The following TRAPPC9 variants were observed in gnomAD, a reference collection of about 807,000 sequenced individuals.
TRAPPC9 encodes the protein trafficking protein particle complex subunit 9, also known as IKK2 binding protein.
TRAPPC9 carries 83 observed loss-of-function variants against 124.0 expected under a neutral mutation model. The observed-to-expected ratio is 0.67, with a 90% CI of 0.56 to 0.80. The LOEUF (loss-of-function observed/expected upper bound fraction) is 0.80. TRAPPC9 is among the 30% of genes least tolerant of loss of function. The probability of loss-of-function intolerance (pLI) is 0.00; values close to 1 mark genes in which losing one functional copy is unlikely to be tolerated. For missense variants in TRAPPC9, 1,302 were observed against 1,508.3 expected, an observed-to-expected ratio of 0.86 and a Z score of 2.27; for synonymous variants, 638 against 617.5, an observed-to-expected ratio of 1.03 and a Z score of -0.49.
intron 3 of TRAPPC9, among the ~76,000 whole-genome samples, chr8:140,436,536 T>G (rs1215012459): frequency 2.6e-5 from 4 of 152,240 alleles, no homozygotes; most frequent in South Asian, 4.1e-4. Context: ...CAGTCTGCTG[T>G]GATGTCAGGC....
chr8:140,119,153 A>C (rs868685666), intron 17 of TRAPPC9, among the ~76,000 whole-genome samples: 9 of 152,244 alleles, frequency 5.9e-5, no homozygotes, highest in Admixed American at 2.6e-4. Context: ...AGTGCACAGC[A>C]GGAGAAGAGG....
At chr8:140,171,814 T>C (rs1462745292) in intron 17 of TRAPPC9, among the ~76,000 whole-genome samples, 2 of 152,150 alleles carry the variant, frequency 1.3e-5, no homozygotes, top group Non-Finnish European at 2.9e-5. Flanking sequence ...TTTTAGTGCA[T>C]TCAAAGCAGG....
chr8:139,971,710 C>CATAT (rs1554598148), intron 19 of TRAPPC9, among the ~76,000 whole-genome samples: 19 of 146,148 alleles, frequency 1.3e-4, no homozygotes, highest in East Asian at 4.0e-4. Flanking sequence ...TGCTAAAGTT[C>CATAT]ATATATATAT....
At chr8:139,982,520 G>C (rs1033383749) in intron 19 of TRAPPC9, among the ~76,000 whole-genome samples, 1 of 152,174 alleles carries the variant, frequency 6.6e-6, no homozygotes, top group Non-Finnish European at 1.5e-5. Flanking sequence ...CTGGAAACAG[G>C]GTTCCGAATG....
Position 140,349,831 on chromosome 8 carries a change from C to T in TRAPPC9, c.1495+10219G>A, listed in dbSNP as rs762105956. ...GGTGAAGAAGACCTGATGAGGGTAACGGGCTGCCACCACGTCCAGGTAGCC... is the reference window on the plus strand; with the variant it reads ...GGTGAAGAAGACCTGATGAGGGTAATGGGCTGCCACCACGTCCAGGTAGCC... On this transcript the variant is annotated intron_variant, in intron 9 of 22. Coordinates refer to ENST00000438773, the MANE Select transcript of TRAPPC9 (RefSeq NM_001160372.4). Among the ~76,000 whole-genome samples the T allele has an allele frequency of 7.7e-4, 118 of 152,294 alleles. 2 individuals carry two copies. The highest frequency in any genetic ancestry group is 2.2e-4 in the Non-Finnish European group (15 of 67,998).
At chr8:140,318,202 C>T (rs917082686) in intron 9 of TRAPPC9, among the ~76,000 whole-genome samples, 3 of 152,052 alleles carry the variant, frequency 2.0e-5, no homozygotes, top group African/African-American at 7.2e-5. Flanking sequence ...TTTTACAATT[C>T]TTTTTACCTT....
chr8:140,093,600 G>A (rs111785743), intron 17 of TRAPPC9, among the ~76,000 whole-genome samples: 2,992 of 151,958 alleles, frequency 0.02, 90 homozygotes, highest in African/African-American at 0.069. Flanking sequence ...CTCAAGAGGC[G>A]GAGGGTGCAG....
chr8:139,746,896 C>A (rs975705187), intron 21 of TRAPPC9, among the ~76,000 whole-genome samples: 3 of 152,206 alleles, frequency 2.0e-5, no homozygotes, highest in Non-Finnish European at 4.4e-5. Context: ...GCACCAGGAA[C>A]GCCTTGGCTC....
chr8:140,022,268 G>A (rs1839871770), intron 18 of TRAPPC9, among the ~76,000 whole-genome samples: 1 of 152,178 alleles, frequency 6.6e-6, no homozygotes, highest in Non-Finnish European at 1.5e-5. Flanking sequence ...AATCCACAGG[G>A]CTTGGGGACC....
At chr8:139,815,745 G>A (rs1290827974) in intron 21 of TRAPPC9, among the ~76,000 whole-genome samples, 3 of 152,248 alleles carry the variant, frequency 2.0e-5, no homozygotes, top group Non-Finnish European at 4.4e-5. Context: ...AGGAGGGACT[G>A]TGCTACCTAC....
intron 19 of TRAPPC9, among the ~76,000 whole-genome samples, chr8:139,971,976 CA>C (rs1836133764): frequency 6.6e-6 from 1 of 152,054 alleles, no homozygotes; most frequent in Non-Finnish European, 1.5e-5. Context: ...CACGCGCCAC[CA>C]TGCCCGCCTA....
chr8:140,452,593 C>G (rs2071504708), intron 1 of TRAPPC9, among the ~76,000 whole-genome samples: 1 of 152,066 alleles, frequency 6.6e-6, no homozygotes, highest in African/African-American at 2.4e-5. Flanking sequence ...CATAACCTCT[C>G]TGAGCCAATT....
chr8:140,132,112 C>A (rs1375610513), intron 17 of TRAPPC9, among the ~76,000 whole-genome samples: 1 of 152,196 alleles, frequency 6.6e-6, no homozygotes, highest in Non-Finnish European at 1.5e-5. Flanking sequence ...CCAAGACAGC[C>A]ATCCCCAATC....
intron 17 of TRAPPC9, among the ~76,000 whole-genome samples, chr8:140,077,925 T>C (rs1209418055): frequency 1.3e-5 from 2 of 152,170 alleles, no homozygotes; most frequent in Non-Finnish European, 2.9e-5. Flanking sequence ...ATGTTTCTTA[T>C]GGAAAAACAT....
At chr8:140,029,257 C>A (rs1840349479) in intron 17 of TRAPPC9, among the ~76,000 whole-genome samples, 2 of 152,222 alleles carry the variant, frequency 1.3e-5, no homozygotes, top group Admixed American at 1.3e-4. Flanking sequence ...GTAGTCCCAG[C>A]AGTTTGGGAG....
intron 20 of TRAPPC9, among the ~76,000 whole-genome samples, chr8:139,889,495 G>A (rs557566856): frequency 6.6e-6 from 1 of 152,316 alleles, no homozygotes; most frequent in African/African-American, 2.4e-5. Flanking sequence ...GGGAGACAAG[G>A]AATGGGAGGG....
chr8:140,438,392 G>C (rs752490608), intron 3 of TRAPPC9, among the ~76,000 whole-genome samples: 1 of 152,108 alleles, frequency 6.6e-6, no homozygotes, highest in East Asian at 1.9e-4. Context: ...ACCACATTTC[G>C]TTTATCCATT....
chr8:140,317,754 T>C (rs1355214454), intron 9 of TRAPPC9, among the ~76,000 whole-genome samples: 1 of 152,202 alleles, frequency 6.6e-6, no homozygotes, highest in Non-Finnish European at 1.5e-5. Flanking sequence ...TGCCAAATAT[T>C]GTACTATGTT....
In TRAPPC9 at chr8:139,754,473, C is replaced by T. The variant is rs77083097; in HGVS notation, c.3056-22271G>A. On this transcript the variant is annotated intron_variant, in intron 21 of 22. Coordinates refer to ENST00000438773, the MANE Select transcript of TRAPPC9 (RefSeq NM_001160372.4). ...AGCTGGGTGCTGCCTTCCAAGACTG[C>T]CTCCATTCAGGGGTGCTGCCGTGAC... Among the ~76,000 whole-genome samples the T allele has an allele frequency of 3.9e-3, 597 of 152,312 alleles. 5 individuals are homozygous for T. Among genetic ancestry groups the T allele is most frequent in the African/African-American group, 0.013 (554 of 41,568 alleles).
Sources: gnomAD v4.1 joint callset for allele counts (sites outside exome capture counted in the v4.1 genomes callset) on GRCh38, gnomAD v4.1.1 for gene constraint, MANE v1.5 for transcripts, NCBI Gene and HGNC (gene_info 2026-07-23, HGNC 2026-07-21) for gene names.